CCDC88A: variants seen among roughly 807,000 people sequenced by gnomAD.
CCDC88A encodes girdin.
Under a neutral mutation model 234.3 loss-of-function variants are expected in CCDC88A, and 54 were observed. That is an observed-to-expected ratio of 0.23 (90% CI 0.19 to 0.29). CCDC88A has a LOEUF of 0.29. CCDC88A is among the 10% of genes least tolerant of loss of function. CCDC88A has a pLI of 1.00. For missense variants in CCDC88A, 1,832 were observed against 2,123.4 expected, an observed-to-expected ratio of 0.86 and a Z score of 2.70; for synonymous variants, 753 against 737.8, an observed-to-expected ratio of 1.02 and a Z score of -0.33.
At chr2:55,364,186 TAAAC>T in intron 5 of CCDC88A, 153 bp from the exon 6 acceptor site, 2 of 465,214 alleles carry the variant, frequency 4.3e-6, no homozygotes. Context: ...ACTTACCTAA[TAAAC>T]AACAATTTAG....
At chr2:55,364,061 C>G in intron 5 of CCDC88A, 28 bp from the exon 6 acceptor site, 1 of 1,120,490 alleles carries the variant, frequency 8.9e-7, no homozygotes, top group Non-Finnish European at 1.3e-6. Context: ...AATAGTTATT[C>G]ATACTTTATA....
intron 3 of CCDC88A, among the ~76,000 whole-genome samples, chr2:55,377,161 T>C (rs1673783324): frequency 6.6e-6 from 1 of 150,628 alleles, no homozygotes; most frequent in African/African-American, 2.4e-5. Flanking sequence ...TTTCCTTGCC[T>C]TGAAGCAAAA....
chr2:55,295,485 G>A lies in CCDC88A; in HGVS notation c.5551+112C>T, dbSNP rs1679924681. 6.3e-6 allele frequency: 10 copies of A among 1,592,512 alleles called. No homozygotes were observed. The East Asian group carries it at 2.0e-4, about 32-fold the overall frequency. On this transcript the variant is annotated intron_variant, in intron 31 of 32. Coordinates refer to ENST00000436346, the MANE Select transcript of CCDC88A (RefSeq NM_001365480.1). ...TCCTGTTCTTGAGTTTCTAGCCTGG[G>A]CATATAGAGGCTCAGGCATGTCTAT...
At chr2:55,341,460 T>C (rs1285429760) in intron 12 of CCDC88A, among the ~76,000 whole-genome samples, 1 of 147,394 alleles carries the variant, frequency 6.8e-6, no homozygotes, top group African/African-American at 2.5e-5. Context: ...TTTTTTTTTT[T>C]CTGGGACAGA....
chr2:55,349,461 G>A, intron 9 of CCDC88A, 57 bp downstream of exon 9: 7 of 1,239,516 alleles, frequency 5.6e-6, no homozygotes, highest in Non-Finnish European at 7.1e-6. Flanking sequence ...TTACAAGGAA[G>A]AAAATCAATT....
chr2:55,396,064 T>C (rs1677486388), intron 2 of CCDC88A, among the ~76,000 whole-genome samples: 2 of 100,646 alleles, frequency 2.0e-5, no homozygotes, highest in Admixed American at 2.4e-4. Context: ...TCCATTCTGG[T>C]ATTTTTTTTT....
intron 5 of CCDC88A, among the ~76,000 whole-genome samples, chr2:55,371,600 T>A (rs1051397907): frequency 6.6e-6 from 1 of 152,150 alleles, no homozygotes; most frequent in African/African-American, 2.4e-5. Flanking sequence ...AGAGTAATCA[T>A]CCTGGTTTGC....
At chr2:55,388,328 TA>T (rs1676044654) in intron 3 of CCDC88A, among the ~76,000 whole-genome samples, 1 of 152,192 alleles carries the variant, frequency 6.6e-6, no homozygotes, top group Non-Finnish European at 1.5e-5. Flanking sequence ...AATCATCTTT[TA>T]AAATACGCCA....
Position 55,289,422 on chromosome 2 carries a change from A to C in CCDC88A, c.*1778T>G, listed in dbSNP as rs999636257. 2.0e-5 allele frequency: 3 copies of C among 152,536 alleles called. No homozygotes were observed. The highest frequency in any genetic ancestry group is 4.4e-5 in the Non-Finnish European group (3 of 68,028). The allele number at this position is 152,536 out of a possible 1,614,324, so 9.4% of individuals were successfully genotyped here. ...CTAGACTGCTCTGATACCTATTACC[A>C]ATGTGCTACTTGAATCCAGGGAGTT... On this transcript the variant is annotated 3_prime_UTR_variant, in exon 33 of 33. Coordinates refer to ENST00000436346, the MANE Select transcript of CCDC88A (RefSeq NM_001365480.1).
chr2:55,386,786 A>T (rs940485984), intron 3 of CCDC88A, among the ~76,000 whole-genome samples: 1 of 151,850 alleles, frequency 6.6e-6, no homozygotes, highest in African/African-American at 2.4e-5. Flanking sequence ...GTCTCTATTT[A>T]AAAACTAAAA....
At chr2:55,302,437 C>T (rs1489821059) in intron 26 of CCDC88A, among the ~76,000 whole-genome samples, 2 of 152,146 alleles carry the variant, frequency 1.3e-5, no homozygotes, top group East Asian at 3.8e-4. Flanking sequence ...AGATGGAGAG[C>T]AGTTCTTATA....
chr2:55,384,556 TATAC>T lies in CCDC88A; in HGVS notation c.273+4218_273+4221del, dbSNP rs1454339620. ...ACATATATACGTATATATGTGTATA[TATAC>T]ACATATATACGTATATATGTGTATA... On this transcript the variant is annotated intron_variant, in intron 3 of 32. Coordinates refer to ENST00000436346, the MANE Select transcript of CCDC88A (RefSeq NM_001365480.1). 2.2e-5 allele frequency among the ~76,000 whole-genome samples: 2 copies of T among 90,574 alleles called. 1 individual carries two copies. The highest frequency in any genetic ancestry group is 1.1e-4 in the African/African-American group (2 of 18,116). 59.4% of individuals were successfully genotyped at this position (90,574 alleles called of 152,430 possible).
chr2:55,354,936 C>T (rs1670368572), intron 8 of CCDC88A, among the ~76,000 whole-genome samples: 1 of 149,868 alleles, frequency 6.7e-6, no homozygotes, highest in South Asian at 2.1e-4. Flanking sequence ...AAAACCAAGA[C>T]ACGCACTAGC....
At chr2:55,321,423 C>T (rs1386682273) in intron 18 of CCDC88A, among the ~76,000 whole-genome samples, 1 of 151,688 alleles carries the variant, frequency 6.6e-6, no homozygotes, top group East Asian at 1.9e-4. Flanking sequence ...TGGTGGCAGG[C>T]GCCTGTAGTC....
At chr2:55,297,328 TAATATATAA>T in intron 29 of CCDC88A, among the ~76,000 whole-genome samples, 2 of 99,050 alleles carry the variant, frequency 2.0e-5, no homozygotes, top group Non-Finnish European at 3.8e-5. Context: ...ATATAATATA[TAATATATAA>T]ATTTATATAT....
rs769164988 is a variant in CCDC88A, at chr2:55,334,759, G to C, written c.2062C>G (p.Gln688Glu). 15 of 1,608,642 alleles carry C rather than the reference G, an allele frequency of 9.3e-6. No homozygotes were observed. Among genetic ancestry groups the C allele is most frequent in the Non-Finnish European group, 1.1e-5 (13 of 1,178,036 alleles). ...TTCTCTTTTTCTAGGGATTCTAACTGAAAGGTCAGATTTTTAAAGCTATCC... is the reference window on the plus strand; with the variant it reads ...TTCTCTTTTTCTAGGGATTCTAACTCAAAGGTCAGATTTTTAAAGCTATCC... Reference protein sequence around the residue: ...TLDSFKNLTFQLESLEKENSQ... With the variant: ...TLDSFKNLTFELESLEKENSQ... The change falls in exon 15 of 33, where the codon CAG becomes GAG. Residue 688 changes from glutamine to glutamate, a missense_variant. Coordinates refer to ENST00000436346, the MANE Select transcript of CCDC88A (RefSeq NM_001365480.1). The surrounding 1 kb of genome is among the most constrained non-coding windows in gnomAD (Gnocchi z 6.1).
chr2:55,317,255 G>C lies in CCDC88A; in HGVS notation c.3697C>G (p.His1233Asp). The C allele has an allele frequency of 6.4e-7, 1 of 1,552,910 alleles. No homozygotes were observed. The highest frequency in any genetic ancestry group is 8.7e-7 in the Non-Finnish European group (1 of 1,145,732). The change falls in exon 21 of 33, where the codon CAT becomes GAT. Residue 1233 changes from histidine to aspartate, a missense_variant. Transcript: ENST00000436346. This position sits in a 1 kb window ranked among gnomAD's most constrained non-coding sequence, Gnocchi z 4.2. Reference sequence around the variant, plus strand: ...TTGTATTCTGCAGCTACTGTTTCATGATTTTTATTTTCAAGCAGCATTTTT... The same window carrying C: ...TTGTATTCTGCAGCTACTGTTTCATCATTTTTATTTTCAAGCAGCATTTTT... ...QEKMLLENKN[H>D]ETVAAEYKKL...
At chr2:55,381,815 C>A (rs748312314) in intron 3 of CCDC88A, among the ~76,000 whole-genome samples, 2 of 152,118 alleles carry the variant, frequency 1.3e-5, no homozygotes, top group Admixed American at 6.6e-5. Flanking sequence ...CCTGAATCAC[C>A]ACACAGAGTA....
intron 2 of CCDC88A, chr2:55,417,871 A>G (rs906897890): frequency 5.3e-5 from 8 of 152,116 alleles, no homozygotes; most frequent in Non-Finnish European, 1.0e-4. Flanking sequence ...CCAATTTCCC[A>G]TACATATAAA....
Sources: gnomAD v4.1 joint callset for allele counts (sites outside exome capture counted in the v4.1 genomes callset) on GRCh38, gnomAD v4.1.1 for gene constraint, Gnocchi (gnomAD v3.1) non-coding constraint, MANE v1.5 for transcripts, NCBI Gene and HGNC (gene_info 2026-07-23, HGNC 2026-07-21) for gene names.